The following RIMS2 variants were observed in gnomAD, a reference collection of about 807,000 sequenced individuals.
RIMS2 encodes regulating synaptic membrane exocytosis protein 2.
A neutral mutation model predicts 174.4 loss-of-function variants in RIMS2; 59 were observed. The observed-to-expected ratio is 0.34, with a 90% CI of 0.27 to 0.42. The LOEUF (loss-of-function observed/expected upper bound fraction) is 0.42, where lower values mean the gene tolerates loss of function less well. Among genes scored for constraint, RIMS2 ranks in the 10% least tolerant of loss-of-function variants. The probability of loss-of-function intolerance (pLI) is 1.00; values close to 1 mark genes in which losing one functional copy is unlikely to be tolerated. For synonymous variants in RIMS2, 606 were observed against 572.5 expected (o/e 1.06, Z -0.84); for missense variants, 1,620 against 1,666.3 (o/e 0.97, Z 0.48).
chr8:104,022,015 CA>C (rs2096109663), intron 19 of RIMS2, among the ~76,000 whole-genome samples: 1 of 152,096 alleles, frequency 6.6e-6, no homozygotes, highest in Admixed American at 6.5e-5. Flanking sequence ...TCATCAGTCG[CA>C]GGTCTGGATG....
At chr8:103,659,685 G>A (rs923760454) in intron 1 of RIMS2, among the ~76,000 whole-genome samples, 1 of 152,184 alleles carries the variant, frequency 6.6e-6, no homozygotes, top group Non-Finnish European at 1.5e-5. Flanking sequence ...TTCAGCAGTC[G>A]GAGTGCATCC....
chr8:104,030,007 C>T (rs139486754), intron 19 of RIMS2, among the ~76,000 whole-genome samples: 81 of 152,192 alleles, frequency 5.3e-4, no homozygotes, highest in African/African-American at 1.7e-3. Context: ...GTAGTGTATC[C>T]AAAATCACCT....
intron 19 of RIMS2, among the ~76,000 whole-genome samples, chr8:104,127,249 C>A (rs1227172514): frequency 6.6e-6 from 1 of 152,064 alleles, no homozygotes; most frequent in East Asian, 1.9e-4. Context: ...AAACGTTGGC[C>A]ACTTACAGCT....
intron 2 of RIMS2, among the ~76,000 whole-genome samples, chr8:103,739,094 G>A (rs1478286021): frequency 6.6e-6 from 1 of 152,140 alleles, no homozygotes; most frequent in Non-Finnish European, 1.5e-5. Context: ...GTTTATTGTG[G>A]CACTATTCAC....
At chr8:103,832,447 A>C (rs1289622934) in intron 3 of RIMS2, among the ~76,000 whole-genome samples, 2 of 152,030 alleles carry the variant, frequency 1.3e-5, no homozygotes, top group East Asian at 3.9e-4. Context: ...AACTTATGTC[A>C]TGGGGGTTTG....
intron 1 of RIMS2, among the ~76,000 whole-genome samples, chr8:103,616,467 G>A (rs2095507317): frequency 6.6e-6 from 1 of 152,186 alleles, no homozygotes. Flanking sequence ...CACAAGGCAA[G>A]AATGCCCTCT....
chr8:103,579,224 C>G (rs891233035), intron 1 of RIMS2, among the ~76,000 whole-genome samples: 3 of 74,038 alleles, frequency 4.1e-5, no homozygotes, highest in Non-Finnish European at 8.0e-5. Flanking sequence ...CATAGCAATA[C>G]TCTCTCTCTC....
chr8:104,169,613 C>T (rs1464836347), intron 19 of RIMS2, among the ~76,000 whole-genome samples: 6 of 151,582 alleles, frequency 4.0e-5, no homozygotes. Context: ...TCAATTTTAT[C>T]TTTTCAAAGA....
At position 103,798,947 on chromosome 8, in the gene RIMS2, A is replaced by G. The variant is rs543748058; in HGVS notation, c.698+32410A>G. On this transcript the variant is annotated intron_variant, in intron 3 of 23. Coordinates refer to ENST00000504942, the Ensembl canonical transcript of RIMS2. Reference sequence around the variant, plus strand: ...TTTTTTTTTTGGCTGCGTCAATGAGATGAGATAGAAGGAGGAGAGATTCAA... The same window carrying G: ...TTTTTTTTTTGGCTGCGTCAATGAGGTGAGATAGAAGGAGGAGAGATTCAA... Among the ~76,000 whole-genome samples, 4 of 149,356 alleles carry G rather than the reference A, an allele frequency of 2.7e-5. No homozygotes were observed. The South Asian group carries it at 8.5e-4, about 32-fold the overall frequency.
intron 19 of RIMS2, 23 bp from the exon 23 acceptor site, chr8:104,068,489 A>G (rs1166846085): frequency 1.9e-6 from 2 of 1,055,872 alleles, no homozygotes; most frequent in East Asian, 2.5e-5. Flanking sequence ...CATTAATTTT[A>G]TGGGTTTTTT....
rs550010704 is a variant in RIMS2 at position 104,152,186 on chromosome 8, T to C, written c.3335-92730T>C. On this transcript the variant is annotated intron_variant, in intron 19 of 23. Transcript: ENST00000504942. ...TTGTGATGTTGGCAGATTTAAGAAA[T>C]GTAGTCTTGTTTCTTGTTATATCAT... 2.6e-5 allele frequency among the ~76,000 whole-genome samples: 4 copies of C among 152,338 alleles called. No homozygotes were observed. In the East Asian group the frequency reaches 5.8e-4, roughly 22 times the overall value.
intron 3 of RIMS2, among the ~76,000 whole-genome samples, chr8:103,792,952 C>A (rs1286038821): frequency 2.0e-5 from 3 of 151,954 alleles, no homozygotes; most frequent in South Asian, 4.1e-4. Context: ...AGCCTACCAA[C>A]CAAAAAAAGT....
chr8:104,117,238 G>A lies in RIMS2; in HGVS notation c.3334+102623G>A, dbSNP rs191574918. Among the ~76,000 whole-genome samples the A allele has an allele frequency of 4.5e-3, 685 of 152,050 alleles. 3 individuals are homozygous for A. Among genetic ancestry groups the A allele is most frequent in the Non-Finnish European group, 7.2e-3 (490 of 67,960 alleles). On this transcript the variant is annotated intron_variant, in intron 19 of 23. Transcript: ENST00000504942. Reference sequence around the variant, plus strand: ...TGCATATATTAATAGTTTTAATTACGTCAATAATATAGCTGAGCACAGTGT... The same window carrying A: ...TGCATATATTAATAGTTTTAATTACATCAATAATATAGCTGAGCACAGTGT...
intron 1 of RIMS2, among the ~76,000 whole-genome samples, chr8:103,536,875 C>T (rs1840024862): frequency 6.6e-6 from 1 of 152,180 alleles, no homozygotes; most frequent in Non-Finnish European, 1.5e-5. Context: ...TGAATAATGT[C>T]TATTTTTGGA....
At chr8:103,572,282 A>G (rs759663963) in intron 1 of RIMS2, among the ~76,000 whole-genome samples, 11 of 152,118 alleles carry the variant, frequency 7.2e-5, no homozygotes, top group Non-Finnish European at 1.3e-4. Flanking sequence ...ATGGAAGGGG[A>G]CCTGAGCGGG....
intron 1 of RIMS2, among the ~76,000 whole-genome samples, chr8:103,540,838 G>C (rs966117360): frequency 4.6e-5 from 7 of 151,980 alleles, no homozygotes; most frequent in Admixed American, 2.0e-4. Flanking sequence ...AAACAAAAAA[G>C]AAAATCTGGA....
At chr8:104,203,729 A>G (rs978622940) in intron 19 of RIMS2, among the ~76,000 whole-genome samples, 7 of 152,008 alleles carry the variant, frequency 4.6e-5, no homozygotes, top group Admixed American at 6.6e-5. Context: ...GTGTCAAACT[A>G]CTGACCTCAA....
At chr8:103,971,896 G>C (rs2092922069) in intron 15 of RIMS2, among the ~76,000 whole-genome samples, 1 of 152,046 alleles carries the variant, frequency 6.6e-6, no homozygotes, top group South Asian at 2.1e-4. Flanking sequence ...CTTCCTAATA[G>C]GCTAACTTAA....
At chr8:103,610,223 G>T (rs1382327007) in intron 1 of RIMS2, among the ~76,000 whole-genome samples, 1 of 152,154 alleles carries the variant, frequency 6.6e-6, no homozygotes, top group Non-Finnish European at 1.5e-5. Flanking sequence ...AGACCAAGGT[G>T]CTTTTGGGGA....
Sources: gnomAD v4.1 joint callset for allele counts (sites outside exome capture counted in the v4.1 genomes callset) on GRCh38, gnomAD v4.1.1 for gene constraint, MANE v1.5 for transcripts, NCBI Gene and HGNC (gene_info 2026-07-23, HGNC 2026-07-21) for gene names.